Variants in HYCC1 observed in about 807,000 individuals in gnomAD.
HYCC1 encodes hyccin PI4KA lipid kinase complex subunit 1.
At chr7:22,946,122 AT>A in the HYCC1 span, 2 of 1,613,130 alleles carry the variant, frequency 1.2e-6, no homozygotes, top group Admixed American at 1.7e-5. Flanking sequence ...TCAACTTCAG[AT>A]ATCTCCATCA....
the HYCC1 span, chr7:22,943,206 CAT>C: frequency 0.1 from 15,918 of 151,930 alleles, 1,008 homozygotes; most frequent in South Asian, 0.18. Context: ...CTTAAGAAGC[CAT>C]ATGTCAATAT....
chr7:22,920,339 AT>A, the HYCC1 span, among the ~76,000 whole-genome samples: 3 of 152,208 alleles, frequency 2.0e-5, no homozygotes, highest in African/African-American at 7.2e-5. Context: ...TATTTAAAAA[AT>A]AATAATAAAA....
the HYCC1 span, among the ~76,000 whole-genome samples, chr7:22,995,596 TGTA>T: frequency 1.1e-3 from 175 of 152,252 alleles, 1 homozygote; most frequent in African/African-American, 3.5e-3. Flanking sequence ...GAACAAGTAA[TGTA>T]GTACTGCATT....
At chr7:22,906,622 C>T in the HYCC1 span, among the ~76,000 whole-genome samples, 1 of 150,430 alleles carries the variant, frequency 6.6e-6, no homozygotes, top group East Asian at 2.0e-4. Flanking sequence ...AGGCCATTTT[C>T]AGATATACAT....
chr7:22,988,903 G>A, the HYCC1 span, among the ~76,000 whole-genome samples: 1 of 152,206 alleles, frequency 6.6e-6, no homozygotes, highest in South Asian at 2.1e-4. Context: ...TACTTCCTCA[G>A]ACACTACTGC....
chr7:22,940,058 T>C, the HYCC1 span: 4 of 152,130 alleles, frequency 2.6e-5, no homozygotes, highest in Admixed American at 2.6e-4. Flanking sequence ...GCATATTGTA[T>C]AGGACAAAAT....
At chr7:22,969,525 GTT>G in the HYCC1 span, among the ~76,000 whole-genome samples, 19 of 134,234 alleles carry the variant, frequency 1.4e-4, no homozygotes, top group Non-Finnish European at 1.6e-4. Context: ...TTTTTTTTTG[GTT>G]TTTTTTTTTT....
chr7:22,997,770 G>C, the HYCC1 span, among the ~76,000 whole-genome samples: 1 of 152,068 alleles, frequency 6.6e-6, no homozygotes, highest in Non-Finnish European at 1.5e-5. Flanking sequence ...AGAGAGGTTT[G>C]GGAAGTCTTT....
At chr7:22,937,806 T>C in the HYCC1 span, 3 of 152,162 alleles carry the variant, frequency 2.0e-5, no homozygotes, top group Non-Finnish European at 4.4e-5. Context: ...TGGATTATAT[T>C]AGAACACTTA....
At chr7:22,927,620 C>G in the HYCC1 span, among the ~76,000 whole-genome samples, 6 of 152,146 alleles carry the variant, frequency 3.9e-5, no homozygotes, top group African/African-American at 1.4e-4. Context: ...ATACACTCTC[C>G]CAAGACTAAA....
chr7:23,000,159 T>A, the HYCC1 span, among the ~76,000 whole-genome samples: 1 of 152,234 alleles, frequency 6.6e-6, no homozygotes, highest in East Asian at 1.9e-4. Flanking sequence ...AAATAAATAA[T>A]CATCCTTCTC....
At chr7:22,984,997 A>C in the HYCC1 span, among the ~76,000 whole-genome samples, 2 of 152,138 alleles carry the variant, frequency 1.3e-5, no homozygotes, top group East Asian at 3.9e-4. Context: ...GGGAAATCTG[A>C]ATAAAAACAT....
the HYCC1 span, among the ~76,000 whole-genome samples, chr7:22,998,587 T>C: frequency 2.6e-5 from 4 of 152,152 alleles, no homozygotes; most frequent in Admixed American, 2.0e-4. Context: ...ACAGCAAGTA[T>C]CTAATAAATA....
At chr7:22,994,756 C>T in the HYCC1 span, among the ~76,000 whole-genome samples, 4 of 152,164 alleles carry the variant, frequency 2.6e-5, no homozygotes, top group African/African-American at 9.7e-5. Flanking sequence ...CTGAAACTTT[C>T]ACAGTCTCAC....
the HYCC1 span, among the ~76,000 whole-genome samples, chr7:22,907,245 A>G: frequency 6.6e-6 from 1 of 151,676 alleles, no homozygotes; most frequent in African/African-American, 2.4e-5. Context: ...CTCCTTACTT[A>G]GTTCAACTAA....
the HYCC1 span, among the ~76,000 whole-genome samples, chr7:22,975,897 G>T: frequency 6.6e-6 from 1 of 151,946 alleles, no homozygotes; most frequent in Non-Finnish European, 1.5e-5. Context: ...TTTAAAATTT[G>T]TTATAGAGAC....
the HYCC1 span, among the ~76,000 whole-genome samples, chr7:22,986,569 T>A: frequency 0.097 from 14,747 of 152,268 alleles, 759 homozygotes; most frequent in African/African-American, 0.12. Context: ...AATTTGACGC[T>A]GGGCGCGATG....
the HYCC1 span, chr7:22,940,235 T>TG: frequency 9.4e-6 from 1 of 105,838 alleles, no homozygotes; most frequent in East Asian, 3.0e-4. Context: ...TAATAGGTTC[T>TG]GTTTTTTTTT....
At chr7:22,907,417 C>T in the HYCC1 span, among the ~76,000 whole-genome samples, 4 of 152,170 alleles carry the variant, frequency 2.6e-5, no homozygotes, top group African/African-American at 9.7e-5. Flanking sequence ...CCCTCAGCCC[C>T]TTCTGGTCCC....
Sources: allele counts gnomAD v4.1 joint callset (sites outside exome capture counted in the v4.1 genomes callset), GRCh38; gene constraint gnomAD v4.1.1; transcripts MANE v1.5; gene names NCBI Gene and HGNC (gene_info 2026-07-23, HGNC 2026-07-21).